The following IL1RAPL1 variants were observed in gnomAD, a reference collection of about 807,000 sequenced individuals.
The protein encoded by IL1RAPL1 is interleukin-1 receptor accessory protein-like 1.
Under a neutral mutation model 48.4 loss-of-function variants are expected in IL1RAPL1, and 3 were observed. That is an observed-to-expected ratio of 0.06 (90% CI 0.03 to 0.16). The LOEUF is 0.16. IL1RAPL1 is among the 10% of genes least tolerant of loss of function. IL1RAPL1 has a pLI of 1.00. For synonymous variants in IL1RAPL1, 185 were observed against 187.7 expected (o/e 0.99, Z 0.12); for missense variants, 349 against 530.6 (o/e 0.66, Z 3.36).
chrX:29,312,734 A>G (rs988740312), intron 3 of IL1RAPL1, among the ~76,000 whole-genome samples: 1 of 111,637 alleles, frequency 9.0e-6, no homozygotes, highest in Non-Finnish European at 1.9e-5. Context: ...TGTCCCACCT[A>G]GATCTCATCT....
At chrX:29,920,628 C>T (rs995014894) in intron 8 of IL1RAPL1, among the ~76,000 whole-genome samples, 5 of 107,976 alleles carry the variant, frequency 4.6e-5, no homozygotes, top group Non-Finnish European at 7.7e-5. Flanking sequence ...AACCCTGTCT[C>T]TACTAAAAAT....
chrX:29,303,433 A>T (rs1472948265), intron 3 of IL1RAPL1, among the ~76,000 whole-genome samples: 2 of 112,068 alleles, frequency 1.8e-5, no homozygotes, highest in Non-Finnish European at 3.8e-5. Context: ...TATAAATATG[A>T]AACCTATATT....
intron 6 of IL1RAPL1, among the ~76,000 whole-genome samples, chrX:29,751,874 G>A (rs1928470445): frequency 9.3e-6 from 1 of 107,827 alleles, no homozygotes; most frequent in Non-Finnish European, 1.9e-5. Flanking sequence ...TCAGGTTGTA[G>A]TGAGCTGTGA....
intron 2 of IL1RAPL1, among the ~76,000 whole-genome samples, chrX:28,978,000 C>T (rs148405096): frequency 0.015 from 1,642 of 112,084 alleles, 62 homozygotes; most frequent in Admixed American, 0.13. Context: ...AAAAAGTGAA[C>T]GCGTTTCAGT....
In IL1RAPL1 at chrX:29,302,225, C is replaced by T. The variant is rs1423849542; in HGVS notation, c.362+19008C>T. 2.7e-5 allele frequency among the ~76,000 whole-genome samples: 3 copies of T among 111,303 alleles called. No individual in the cohort carries two copies. The East Asian group carries it at 8.4e-4, about 31-fold the overall frequency. On this transcript the variant is annotated intron_variant, in intron 3 of 10. Coordinates refer to ENST00000378993, the MANE Select transcript of IL1RAPL1 (RefSeq NM_014271.4). ...AATTCTTTATGAGAGTTGTTTTTGG[C>T]CAGGTGATGAACAAGAGTCAAAGTC... is the stretch of plus-strand genomic sequence containing the variant.
chrX:28,731,108 A>G (rs375866070), intron 1 of IL1RAPL1, among the ~76,000 whole-genome samples: 1 of 112,253 alleles, frequency 8.9e-6, no homozygotes, highest in East Asian at 2.8e-4. Context: ...TCAAAATAGG[A>G]TCACCAACTC....
intron 1 of IL1RAPL1, among the ~76,000 whole-genome samples, chrX:28,770,052 T>C (rs1443794504): frequency 8.9e-6 from 1 of 112,061 alleles, no homozygotes; most frequent in Non-Finnish European, 1.9e-5. Flanking sequence ...CAAAAGTCTG[T>C]GGTGTAATTA....
At chrX:28,878,460 G>A (rs898980663) in intron 2 of IL1RAPL1, among the ~76,000 whole-genome samples, 2 of 111,935 alleles carry the variant, frequency 1.8e-5, no homozygotes, top group Non-Finnish European at 3.8e-5. Flanking sequence ...CGACTCAGGC[G>A]GTGTGCATGT....
intron 1 of IL1RAPL1, among the ~76,000 whole-genome samples, chrX:28,595,591 G>T (rs1275178134): frequency 1.8e-5 from 2 of 111,847 alleles, no homozygotes. Flanking sequence ...ATGAAGAAAT[G>T]ACACTGGCTA....
At chrX:29,052,374 C>A (rs1205141790) in intron 2 of IL1RAPL1, among the ~76,000 whole-genome samples, 1 of 111,235 alleles carries the variant, frequency 9.0e-6, no homozygotes. Flanking sequence ...AGTCATTTCT[C>A]GTACCTCTCT....
chrX:28,870,456 C>T (rs1922180596), intron 2 of IL1RAPL1, among the ~76,000 whole-genome samples: 1 of 111,116 alleles, frequency 9.0e-6, no homozygotes, highest in African/African-American at 3.3e-5. Context: ...CTTTCATCAC[C>T]AAATAACAAC....
intron 6 of IL1RAPL1, among the ~76,000 whole-genome samples, chrX:29,854,986 C>T (rs1208651719): frequency 2.7e-5 from 3 of 111,317 alleles, no homozygotes; most frequent in Non-Finnish European, 3.8e-5. Context: ...ATTTGTATAC[C>T]TCTTTATGTT....
intron 2 of IL1RAPL1, among the ~76,000 whole-genome samples, chrX:28,827,224 C>T (rs1937003499): frequency 9.0e-6 from 1 of 110,675 alleles, no homozygotes; most frequent in Non-Finnish European, 1.9e-5. Context: ...AAATAATCTC[C>T]ATTATTTTAA....
intron 2 of IL1RAPL1, among the ~76,000 whole-genome samples, chrX:29,207,093 G>A (rs1178027904): frequency 9.0e-6 from 1 of 111,233 alleles, no homozygotes; most frequent in Non-Finnish European, 1.9e-5. Context: ...GGGGAGGATT[G>A]AAAGAGGGAA....
chrX:29,868,181 G>A (rs1221679147), intron 6 of IL1RAPL1, among the ~76,000 whole-genome samples: 1 of 112,003 alleles, frequency 8.9e-6, no homozygotes, highest in Non-Finnish European at 1.9e-5. Context: ...TGTCTTCCAA[G>A]CTGAACTATG....
At chrX:29,459,339 G>A (rs1276300070) in intron 5 of IL1RAPL1, among the ~76,000 whole-genome samples, 2 of 111,778 alleles carry the variant, frequency 1.8e-5, no homozygotes, top group Non-Finnish European at 3.8e-5. Flanking sequence ...ATGTAGATTT[G>A]TTCATGTTTT....
chrX:28,778,622 A>G (rs1310392209), intron 1 of IL1RAPL1, among the ~76,000 whole-genome samples: 2 of 111,756 alleles, frequency 1.8e-5, no homozygotes, highest in Non-Finnish European at 3.8e-5. Flanking sequence ...TATGCTCTCT[A>G]TTCTTCAGCA....
At chrX:29,803,587 A>G (rs1019455605) in intron 6 of IL1RAPL1, among the ~76,000 whole-genome samples, 5 of 102,101 alleles carry the variant, frequency 4.9e-5, no homozygotes, top group African/African-American at 1.4e-4. Context: ...ATATGTATCC[A>G]TATATGTGTG....
At chrX:29,045,981 T>TTCC (rs200472555) in intron 2 of IL1RAPL1, among the ~76,000 whole-genome samples, 4,044 of 77,601 alleles carry the variant, frequency 0.052, 177 homozygotes, top group African/African-American at 0.11. Flanking sequence ...CTCCTCCTTC[T>TTCC]TCCTCCTCCT....
Sources: gnomAD v4.1 joint callset for allele counts (sites outside exome capture counted in the v4.1 genomes callset) on GRCh38, gnomAD v4.1.1 for gene constraint, MANE v1.5 for transcripts, NCBI Gene and HGNC (gene_info 2026-07-23, HGNC 2026-07-21) for gene names.